CDK19: variants seen among roughly 807,000 people sequenced by gnomAD.
CDK19 encodes the protein cyclin-dependent kinase 19.
CDK19 carries 20 observed loss-of-function variants against 68.3 expected under a neutral mutation model. The observed-to-expected ratio is 0.29, with a 90% CI of 0.21 to 0.43. The LOEUF (loss-of-function observed/expected upper bound fraction) is 0.43, where lower values mean the gene tolerates loss of function less well. Among genes scored for constraint, CDK19 ranks in the 20% least tolerant of loss-of-function variants. The probability of loss-of-function intolerance (pLI) is 1.00; values close to 1 mark genes in which losing one functional copy is unlikely to be tolerated. For missense variants in CDK19, 339 were observed against 623.5 expected (o/e 0.54, Z 4.86); for synonymous variants, 221 against 222.8 (o/e 0.99, Z 0.07).
intron 1 of CDK19, among the ~76,000 whole-genome samples, chr6:110,791,799 T>A (rs948968159): frequency 1.3e-5 from 2 of 151,872 alleles, no homozygotes; most frequent in Admixed American, 6.6e-5. Context: ...CTTGGTTTTT[T>A]AAATAATAAT....
intron 2 of CDK19, among the ~76,000 whole-genome samples, chr6:110,728,123 A>G (rs1475366589): frequency 6.6e-6 from 1 of 152,092 alleles, no homozygotes; most frequent in Non-Finnish European, 1.5e-5. Context: ...CCCTGTCTCT[A>G]CTAAAAATAC....
chr6:110,640,179 C>T (rs1287687392), intron 4 of CDK19, among the ~76,000 whole-genome samples: 1 of 143,662 alleles, frequency 7.0e-6, no homozygotes, highest in African/African-American at 2.6e-5. Flanking sequence ...CTACTGTGAG[C>T]CATGATTATG....
intron 1 of CDK19, among the ~76,000 whole-genome samples, chr6:110,749,271 C>G (rs1244882451): frequency 6.6e-6 from 1 of 152,166 alleles, no homozygotes; most frequent in Non-Finnish European, 1.5e-5. Flanking sequence ...TCACTCTCAG[C>G]AGTCACAATG....
Position 110,757,703 on chromosome 6 carries a change from C to T in CDK19, c.129-11502G>A, listed in dbSNP as rs186034972. The stretch of plus-strand genomic sequence containing the variant: ...AACAACAAATTAATTTCAGGTTGTT[C>T]AAGTACATCAAAAACCATTCATATA... On this transcript the variant is annotated intron_variant, in intron 1 of 12. Coordinates refer to ENST00000368911, the MANE Select transcript of CDK19 (RefSeq NM_015076.5). Among the ~76,000 whole-genome samples, 181 of 152,156 alleles carry T rather than the reference C, an allele frequency of 1.2e-3. 2 individuals are homozygous for T. The South Asian group carries it at 0.012, about 10-fold the overall frequency.
intron 2 of CDK19, among the ~76,000 whole-genome samples, chr6:110,724,701 T>C (rs1033565622): frequency 6.6e-6 from 1 of 152,108 alleles, no homozygotes; most frequent in Non-Finnish European, 1.5e-5. Context: ...CATAGAAGAC[T>C]TGGCAATCAA....
intron 4 of CDK19, among the ~76,000 whole-genome samples, chr6:110,641,454 A>T (rs1223267013): frequency 6.6e-6 from 1 of 151,730 alleles, no homozygotes; most frequent in Non-Finnish European, 1.5e-5. Context: ...AAAATTAGCC[A>T]GGCATGGTGG....
intron 2 of CDK19, among the ~76,000 whole-genome samples, chr6:110,732,636 T>C (rs187975184): frequency 1.3e-5 from 2 of 152,338 alleles, no homozygotes; most frequent in East Asian, 3.9e-4. Context: ...CCAATCTCTC[T>C]AGTCTTTATT....
intron 2 of CDK19, among the ~76,000 whole-genome samples, chr6:110,738,045 TTC>T (rs1212399770): frequency 1.3e-5 from 2 of 152,116 alleles, no homozygotes; most frequent in East Asian, 3.9e-4. Flanking sequence ...GAAAAAAAAA[TTC>T]TTTTTCTACT....
intron 4 of CDK19, among the ~76,000 whole-genome samples, chr6:110,649,432 A>G (rs1327766462): frequency 6.6e-6 from 1 of 152,210 alleles, no homozygotes; most frequent in Non-Finnish European, 1.5e-5. Flanking sequence ...AATATAGAAC[A>G]TCTTTTTGAT....
chr6:110,726,631 C>A (rs1776333656), intron 2 of CDK19, among the ~76,000 whole-genome samples: 1 of 151,874 alleles, frequency 6.6e-6, no homozygotes. Context: ...TATCTGTTAA[C>A]AAAAAAACTA....
intron 1 of CDK19, among the ~76,000 whole-genome samples, chr6:110,749,239 A>G (rs1201620199): frequency 6.6e-6 from 1 of 152,242 alleles, no homozygotes; most frequent in African/African-American, 2.4e-5. Context: ...TGTCTATAAC[A>G]TGTAGCAACA....
At chr6:110,631,942 G>C in intron 6 of CDK19, 88 bp downstream of exon 6, 2 of 1,215,646 alleles carry the variant, frequency 1.6e-6, no homozygotes, top group Non-Finnish European at 2.4e-6. Flanking sequence ...TGTATAAAAT[G>C]GTTTTTATCA....
chr6:110,649,108 TC>T (rs1780809434), intron 4 of CDK19, among the ~76,000 whole-genome samples: 1 of 152,076 alleles, frequency 6.6e-6, no homozygotes, highest in Admixed American at 6.5e-5. Flanking sequence ...AAATCAATTC[TC>T]CCCATACTTA....
At chr6:110,648,930 G>T (rs919069771) in intron 4 of CDK19, among the ~76,000 whole-genome samples, 4 of 151,914 alleles carry the variant, frequency 2.6e-5, no homozygotes, top group African/African-American at 9.7e-5. Flanking sequence ...TGTTGGTCAG[G>T]CTGGTCTCGA....
chr6:110,814,387 G>C (rs1313650003), intron 1 of CDK19, among the ~76,000 whole-genome samples: 1 of 152,270 alleles, frequency 6.6e-6, no homozygotes, highest in African/African-American at 2.4e-5. Context: ...GTGAGAATGA[G>C]AAACCCGGGA....
At chr6:110,777,604 C>T (rs1470894651) in intron 1 of CDK19, among the ~76,000 whole-genome samples, 2 of 152,140 alleles carry the variant, frequency 1.3e-5, no homozygotes, top group Non-Finnish European at 2.9e-5. Context: ...AAAAATTAAA[C>T]AGAGAATTAC....
At chr6:110,776,738 A>G (rs1780427583) in intron 1 of CDK19, among the ~76,000 whole-genome samples, 1 of 152,220 alleles carries the variant, frequency 6.6e-6, no homozygotes, top group Admixed American at 6.5e-5. Flanking sequence ...TTGACATACT[A>G]TGTTGAAACA....
intron 4 of CDK19, among the ~76,000 whole-genome samples, chr6:110,658,347 T>C (rs865779772): frequency 6.6e-6 from 1 of 152,184 alleles, no homozygotes; most frequent in African/African-American, 2.4e-5. Context: ...TCAGAAGATA[T>C]CCAGGCCATA....
intron 2 of CDK19, among the ~76,000 whole-genome samples, chr6:110,737,660 G>T (rs1175634322): frequency 6.6e-6 from 1 of 152,118 alleles, no homozygotes; most frequent in Non-Finnish European, 1.5e-5. Flanking sequence ...CACTGACCTT[G>T]TATTAGTTTC....
Sources: gnomAD v4.1 joint callset for allele counts (sites outside exome capture counted in the v4.1 genomes callset) on GRCh38, gnomAD v4.1.1 for gene constraint, MANE v1.5 for transcripts, NCBI Gene and HGNC (gene_info 2026-07-23, HGNC 2026-07-21) for gene names.